Variants in DLGAP1 observed in about 807,000 individuals in gnomAD.
DLGAP1 encodes disks large-associated protein 1.
Under a neutral mutation model 90.8 loss-of-function variants are expected in DLGAP1, and 11 were observed. The observed-to-expected ratio is 0.12, with a 90% CI of 0.08 to 0.20. The LOEUF (loss-of-function observed/expected upper bound fraction) is 0.20, where lower values mean the gene tolerates loss of function less well. DLGAP1 is among the 10% of genes least tolerant of loss of function. DLGAP1 has a pLI of 1.00. For synonymous variants in DLGAP1, 558 were observed against 540.7 expected, an observed-to-expected ratio of 1.03 and a Z score of -0.44; for missense variants, 1,050 against 1,333.8, an observed-to-expected ratio of 0.79 and a Z score of 3.31.
In DLGAP1 at chr18:3,499,002, G is replaced by A. The variant is rs973245597; in HGVS notation, c.*183C>T. ...AAGAAGGAGATGGGCAAACGGGTAC[G>A]GGAAGTGGGGGGCTGAGGGGGGCCC... On this transcript the variant is annotated 3_prime_UTR_variant, in exon 13 of 13. Transcript: ENST00000315677. This position sits in a 1 kb window ranked among gnomAD's most constrained non-coding sequence, Gnocchi z 6.4. 3.5e-6 allele frequency: 2 copies of A among 577,022 alleles called. No individual in the cohort carries two copies. The highest frequency in any genetic ancestry group is 2.0e-5 in the African/African-American group (1 of 50,150). The allele number at this position is 577,022 out of a possible 1,614,324, so 35.7% of individuals were successfully genotyped here. A position where few individuals can be genotyped will look rare whatever the true frequency, so the allele number is the denominator to read the frequency against.
At chr18:4,197,193 A>AAAAAAAAAAAAAAAAG (rs2077515560) in intron 1 of DLGAP1, among the ~76,000 whole-genome samples, 1 of 149,630 alleles carries the variant, frequency 6.7e-6, no homozygotes, top group Non-Finnish European at 1.5e-5. Flanking sequence ...AAAAGTAAAA[A>AAAAAAAAAAAAAAAAG]AAAAAAAAAA....
intron 2 of DLGAP1, among the ~76,000 whole-genome samples, chr18:4,020,412 T>C (rs1451653274): frequency 6.6e-6 from 1 of 152,254 alleles, no homozygotes; most frequent in Non-Finnish European, 1.5e-5. Flanking sequence ...TACAGACTTC[T>C]TGAGTAACCG....
In DLGAP1 at chr18:3,879,878, G is replaced by A. The variant is rs1172750416; in HGVS notation, c.191C>T (p.Pro64Leu). Residue 64 changes from proline (P) to leucine (L), a missense_variant, in exon 4 of 13, where the codon CCG (proline) becomes CTG (leucine). Coordinates refer to ENST00000315677, the MANE Select transcript of DLGAP1 (RefSeq NM_004746.4). This position sits in a 1 kb window ranked among gnomAD's most constrained non-coding sequence, Gnocchi z 6.6. ...GCGGGGGAAGGTGCTGCTGGCCAGCGGGTCGCTGAAGGGGCCCACGCACTC... is the reference window on the plus strand; with the variant it reads ...GCGGGGGAAGGTGCTGCTGGCCAGCAGGTCGCTGAAGGGGCCCACGCACTC... ...QAECVGPFSD[P>L]LASSTFPRRH... 2 of 1,611,204 alleles carry A rather than the reference G, an allele frequency of 1.2e-6. No homozygotes were observed. The highest frequency in any genetic ancestry group is 1.1e-5 in the South Asian group (1 of 91,024).
intron 5 of DLGAP1, among the ~76,000 whole-genome samples, chr18:3,767,785 G>T (rs188635417): frequency 5.9e-4 from 89 of 152,122 alleles, no homozygotes; most frequent in African/African-American, 2.1e-3. Context: ...ATTTGATAAG[G>T]AACATCTAAA....
rs1475339388 is a variant in DLGAP1, at chr18:4,455,222, G to A, written c.-483C>T. 6.6e-6 allele frequency: 1 copy of A among 151,666 alleles called. No individual in the cohort carries two copies. The highest frequency in any genetic ancestry group is 1.5e-5 in the Non-Finnish European group (1 of 67,952). The allele number at this position is 151,666 out of a possible 1,614,324, so 9.4% of individuals were successfully genotyped here. ...GGTGTCCGCGAGGCCGTGTCCTGGAGATTGCGGCGCCCGAAGCGCAGCGCT... is the reference window on the plus strand; with the variant it reads ...GGTGTCCGCGAGGCCGTGTCCTGGAAATTGCGGCGCCCGAAGCGCAGCGCT... On this transcript the variant is annotated 5_prime_UTR_variant, in exon 1 of 13. Coordinates refer to ENST00000315677, the MANE Select transcript of DLGAP1 (RefSeq NM_004746.4).
At chr18:3,965,714 G>T (rs1035290428) in intron 3 of DLGAP1, among the ~76,000 whole-genome samples, 1 of 151,990 alleles carries the variant, frequency 6.6e-6, no homozygotes, top group Non-Finnish European at 1.5e-5. Flanking sequence ...TTGGGAGGCC[G>T]AGGTGGGCTG....
chr18:4,130,185 G>T (rs2076292416), intron 2 of DLGAP1, among the ~76,000 whole-genome samples: 3 of 152,148 alleles, frequency 2.0e-5, no homozygotes, highest in Admixed American at 6.5e-5. Context: ...TAGAGTAAAA[G>T]TTTCATGTAC....
At chr18:4,452,409 T>C (rs1259455798) in intron 1 of DLGAP1, among the ~76,000 whole-genome samples, 2 of 152,112 alleles carry the variant, frequency 1.3e-5, no homozygotes, top group African/African-American at 2.4e-5. Context: ...TTAGTGAATA[T>C]TGCTCATATT....
chr18:4,011,369 G>A (rs2074417741), intron 2 of DLGAP1, among the ~76,000 whole-genome samples: 1 of 152,048 alleles, frequency 6.6e-6, no homozygotes, highest in African/African-American at 2.4e-5. Context: ...AAGACTTGAT[G>A]TAGGTAAAAG....
intron 1 of DLGAP1, among the ~76,000 whole-genome samples, chr18:4,208,365 A>G (rs928274540): frequency 6.6e-6 from 1 of 152,252 alleles, no homozygotes; most frequent in Admixed American, 6.5e-5. Flanking sequence ...TTTGCATGAA[A>G]TAATAGGAAA....
At chr18:3,981,837 G>A (rs560926828) in intron 3 of DLGAP1, among the ~76,000 whole-genome samples, 44 of 152,212 alleles carry the variant, frequency 2.9e-4, no homozygotes, top group African/African-American at 1.0e-3. Flanking sequence ...CTCTTTCACA[G>A]GAATTTCCTC....
At chr18:3,732,998 T>C (rs887434516) in intron 6 of DLGAP1, among the ~76,000 whole-genome samples, 1 of 152,186 alleles carries the variant, frequency 6.6e-6, no homozygotes, top group Non-Finnish European at 1.5e-5. Context: ...CTTTATTCCA[T>C]ACTAAGAATC....
chr18:4,083,712 C>T (rs9964492), intron 2 of DLGAP1, among the ~76,000 whole-genome samples: 2 of 151,844 alleles, frequency 1.3e-5, no homozygotes, highest in South Asian at 2.1e-4. Context: ...TTGCTTCTTT[C>T]GTGCCCTAGA....
intron 7 of DLGAP1, among the ~76,000 whole-genome samples, chr18:3,691,275 C>T (rs949637400): frequency 3.9e-5 from 6 of 152,036 alleles, no homozygotes; most frequent in Admixed American, 2.6e-4. Context: ...ACAGTGAAAT[C>T]CCATCTCCAC....
At chr18:3,537,021 T>C (rs1377984143) in intron 9 of DLGAP1, among the ~76,000 whole-genome samples, 1 of 143,298 alleles carries the variant, frequency 7.0e-6, no homozygotes, top group Non-Finnish European at 1.5e-5. Context: ...TCTGTTACGA[T>C]GCCCTGTATG....
At position 4,257,279 on chromosome 18, in the gene DLGAP1, G is replaced by T. The variant is rs75651247; in HGVS notation, c.-266-105992C>A. On this transcript the variant is annotated intron_variant, in intron 1 of 12. Transcript: ENST00000315677. ...TGTGGGATGCCTAAAGCATCAACAT[G>T]GTAAAATTTAGAGGCTGGAGGAGGG... Among the ~76,000 whole-genome samples, 15 of 152,140 alleles carry T rather than the reference G, an allele frequency of 9.9e-5. No homozygotes were observed. The East Asian group carries it at 1.7e-3, about 18-fold the overall frequency.
chr18:3,585,145 G>GA lies in DLGAP1; in HGVS notation c.1592-2898dup, dbSNP rs566629624. Among the ~76,000 whole-genome samples the GA allele has an allele frequency of 1.2e-4, 18 of 152,310 alleles. No individual in the cohort carries two copies. In the South Asian group the frequency reaches 3.7e-3, roughly 32 times the overall value. On this transcript the variant is annotated intron_variant, in intron 7 of 12. Coordinates refer to ENST00000315677, the MANE Select transcript of DLGAP1 (RefSeq NM_004746.4). ...CACCTGACAGGAAATACGACTCAGGGAAAATACAGTGCTTGCAAGGTGCAG... is the reference window on the plus strand; with the variant it reads ...CACCTGACAGGAAATACGACTCAGGGAAAAATACAGTGCTTGCAAGGTGCAG...
At chr18:4,308,628 C>T (rs2080321563) in intron 1 of DLGAP1, among the ~76,000 whole-genome samples, 1 of 152,072 alleles carries the variant, frequency 6.6e-6, no homozygotes, top group Non-Finnish European at 1.5e-5. Flanking sequence ...AAGGACTACC[C>T]CCAAACTTAC....
intron 10 of DLGAP1, among the ~76,000 whole-genome samples, chr18:3,522,941 G>T (rs759985285): frequency 3.9e-5 from 6 of 152,116 alleles, no homozygotes; most frequent in Non-Finnish European, 7.4e-5. Context: ...AGAAGAAAAC[G>T]GAAGGGAAAG....
Sources: gnomAD v4.1 joint callset for allele counts (sites outside exome capture counted in the v4.1 genomes callset) on GRCh38, gnomAD v4.1.1 for gene constraint, Gnocchi (gnomAD v3.1) non-coding constraint, MANE v1.5 for transcripts, NCBI Gene and HGNC (gene_info 2026-07-23, HGNC 2026-07-21) for gene names.